The following GPR149 variants were observed in gnomAD, a reference collection of about 807,000 sequenced individuals.
The protein encoded by GPR149 is probable G protein-coupled receptor 149.
GPR149 carries 50 observed loss-of-function variants against 50.2 expected under a neutral mutation model. The observed-to-expected ratio is 1.00, with a 90% CI of 0.79 to 1.26. The LOEUF (loss-of-function observed/expected upper bound fraction) is 1.26, where lower values mean the gene tolerates loss of function less well. Ranked by LOEUF, GPR149 falls within the 50% of genes most tolerant of loss-of-function variation. The probability of loss-of-function intolerance (pLI) is 0.00; values close to 1 mark genes in which losing one functional copy is unlikely to be tolerated. For missense variants in GPR149, 983 were observed against 895.4 expected, an observed-to-expected ratio of 1.10 and a Z score of -1.25; for synonymous variants, 405 against 358.2, an observed-to-expected ratio of 1.13 and a Z score of -1.48.
chr3:154,374,349 A>G (rs1330501699), intron 3 of GPR149, among the ~76,000 whole-genome samples: 2 of 151,128 alleles, frequency 1.3e-5, no homozygotes, highest in Non-Finnish European at 2.9e-5. Context: ...TAATTTTTGT[A>G]TTTTTGTAAA....
chr3:154,351,228 C>T (rs1313992387), intron 3 of GPR149, among the ~76,000 whole-genome samples: 3 of 139,068 alleles, frequency 2.2e-5, no homozygotes, highest in South Asian at 4.7e-4. Context: ...ACCCAACTGA[C>T]TTTTTACAAA....
intron 3 of GPR149, among the ~76,000 whole-genome samples, chr3:154,417,012 C>G (rs897370824): frequency 9.9e-5 from 15 of 151,848 alleles, no homozygotes; most frequent in East Asian, 7.7e-4. Context: ...ATTTTATGAA[C>G]TTGGTATTAA....
At chr3:154,377,355 A>ATTATTG (rs951728812) in intron 3 of GPR149, among the ~76,000 whole-genome samples, 4 of 141,534 alleles carry the variant, frequency 2.8e-5, no homozygotes, top group Admixed American at 2.1e-4. Context: ...TGTAATTATT[A>ATTATTG]TTATTATTAT....
chr3:154,363,633 G>T (rs1395553562), intron 3 of GPR149, among the ~76,000 whole-genome samples: 2 of 152,126 alleles, frequency 1.3e-5, no homozygotes, highest in African/African-American at 2.4e-5. Context: ...TTCAAGCCAA[G>T]GGCAGTCTAA....
intron 3 of GPR149, among the ~76,000 whole-genome samples, chr3:154,357,852 G>A (rs984855439): frequency 2.0e-5 from 3 of 152,138 alleles, no homozygotes; most frequent in African/African-American, 7.2e-5. Context: ...TATGTTTATT[G>A]CGGCACTTTT....
intron 3 of GPR149, chr3:154,353,391 T>G: frequency 7.8e-7 from 1 of 1,283,938 alleles, no homozygotes; most frequent in Non-Finnish European, 1.1e-6. Context: ...GTCTTCAGAT[T>G]CAGTTTTGTA....
chr3:154,427,817 T>A (rs1439294343), intron 1 of GPR149, 109 bp from the exon 2 acceptor site: 1 of 1,038,796 alleles, frequency 9.6e-7, no homozygotes, highest in South Asian at 1.7e-5. Context: ...CTTCTCCTGA[T>A]GGACAGCGGG....
chr3:154,371,203 T>C (rs1293524653), intron 3 of GPR149, among the ~76,000 whole-genome samples: 1 of 152,212 alleles, frequency 6.6e-6, no homozygotes, highest in Non-Finnish European at 1.5e-5. Context: ...AATAACCGAA[T>C]GCTAGGAATA....
intron 3 of GPR149, among the ~76,000 whole-genome samples, chr3:154,403,318 G>A (rs996569427): frequency 3.9e-5 from 6 of 152,144 alleles, no homozygotes; most frequent in African/African-American, 1.4e-4. Flanking sequence ...ACAGAGATAA[G>A]ACATAATTGG....
In GPR149 at chr3:154,337,388, T is replaced by C. The variant is rs1010024004; in HGVS notation, c.*311A>G. 6.6e-6 allele frequency among the ~76,000 whole-genome samples: 1 copy of C among 152,202 alleles called. No individual in the cohort carries two copies. The highest frequency in any genetic ancestry group is 2.4e-5 in the African/African-American group (1 of 41,468). ...GTATATTCACTGAGTTTATACAATT[T>C]TCTGTTTACTAGGAAGTTGACAAGC... is the stretch of plus-strand genomic sequence containing the variant. On this transcript the variant is annotated 3_prime_UTR_variant, in exon 4 of 4. Transcript: ENST00000389740.
intron 3 of GPR149, among the ~76,000 whole-genome samples, chr3:154,389,580 G>T (rs1286369353): frequency 6.6e-6 from 1 of 152,100 alleles, no homozygotes; most frequent in Non-Finnish European, 1.5e-5. Flanking sequence ...ACTGTGGTTT[G>T]AAATGGCAAG....
chr3:154,357,407 G>T (rs1249859445), intron 3 of GPR149, among the ~76,000 whole-genome samples: 2 of 151,906 alleles, frequency 1.3e-5, no homozygotes, highest in African/African-American at 2.4e-5. Flanking sequence ...CCTACAAAAT[G>T]GGAGAAAATT....
intron 3 of GPR149, among the ~76,000 whole-genome samples, chr3:154,347,105 T>C (rs1334824962): frequency 6.6e-6 from 1 of 152,188 alleles, no homozygotes; most frequent in Non-Finnish European, 1.5e-5. Context: ...ATAGATGATA[T>C]AATTGAGTCA....
At chr3:154,404,075 G>T (rs1711613244) in intron 3 of GPR149, among the ~76,000 whole-genome samples, 1 of 152,280 alleles carries the variant, frequency 6.6e-6, no homozygotes. Context: ...GAAGCATAAG[G>T]CATGGATATA....
intron 3 of GPR149, among the ~76,000 whole-genome samples, chr3:154,380,639 TG>T (rs11295115): frequency 0.96 from 145,724 of 152,158 alleles, 69,883 homozygotes; most frequent in East Asian, 1. Flanking sequence ...ATTTTGTCCT[TG>T]AAATCAATTA....
intron 2 of GPR149, among the ~76,000 whole-genome samples, chr3:154,423,942 G>T (rs1213941532): frequency 6.6e-6 from 1 of 151,756 alleles, no homozygotes; most frequent in African/African-American, 2.4e-5. Flanking sequence ...TTGGTGTGCT[G>T]CACCCATTAA....
chr3:154,349,724 T>G (rs1020251505), intron 3 of GPR149, among the ~76,000 whole-genome samples: 1 of 152,184 alleles, frequency 6.6e-6, no homozygotes, highest in Non-Finnish European at 1.5e-5. Flanking sequence ...AAGGAATACT[T>G]CTTGATTCAT....
intron 3 of GPR149, among the ~76,000 whole-genome samples, chr3:154,418,027 A>G (rs868046139): frequency 4.6e-5 from 7 of 151,456 alleles, no homozygotes; most frequent in African/African-American, 1.5e-4. Flanking sequence ...CACTTCTCAA[A>G]AGAAGACATT....
At chr3:154,400,455 T>C (rs1007921053) in intron 3 of GPR149, among the ~76,000 whole-genome samples, 2 of 152,226 alleles carry the variant, frequency 1.3e-5, no homozygotes, top group African/African-American at 4.8e-5. Flanking sequence ...CTTTTCAATA[T>C]TCTTCACTGT....
Sources: gnomAD v4.1 joint callset for allele counts (sites outside exome capture counted in the v4.1 genomes callset) on GRCh38, gnomAD v4.1.1 for gene constraint, MANE v1.5 for transcripts, NCBI Gene and HGNC (gene_info 2026-07-23, HGNC 2026-07-21) for gene names.